Variants in TAFA2 observed in about 807,000 individuals in gnomAD.
TAFA2 encodes the protein TAFA chemokine like family member 2.
TAFA2 carries 7 observed loss-of-function variants against 18.8 expected under a neutral mutation model. That is an observed-to-expected ratio of 0.37 (90% confidence interval 0.21 to 0.70). The LOEUF is 0.70. Ranked by LOEUF, TAFA2 falls within the 30% of genes least tolerant of loss-of-function variation. TAFA2 has a pLI of 0.53. For missense variants in TAFA2, 122 were observed against 158.1 expected (o/e 0.77, Z 1.23); for synonymous variants, 60 against 54.2 (o/e 1.11, Z -0.47).
chr12:61,853,039 T>C (rs912847136), intron 2 of TAFA2, among the ~76,000 whole-genome samples: 1 of 152,168 alleles, frequency 6.6e-6, no homozygotes, highest in South Asian at 2.1e-4. Flanking sequence ...AGAGAGTAGC[T>C]CTCAAGTGTG....
intron 4 of TAFA2, among the ~76,000 whole-genome samples, chr12:61,732,694 G>C (rs1346640437): frequency 6.6e-6 from 1 of 151,716 alleles, no homozygotes; most frequent in Non-Finnish European, 1.5e-5. Flanking sequence ...GGTTTGCAAT[G>C]TTTTGGGGAG....
intron 1 of TAFA2, among the ~76,000 whole-genome samples, chr12:62,232,536 T>C (rs570160546): frequency 6.6e-6 from 1 of 152,246 alleles, no homozygotes; most frequent in East Asian, 1.9e-4. Flanking sequence ...TGTTCTGACA[T>C]GGAGTCTCAC....
intron 2 of TAFA2, among the ~76,000 whole-genome samples, chr12:61,823,118 T>C (rs534517873): frequency 5.3e-5 from 8 of 152,312 alleles, no homozygotes; most frequent in Admixed American, 3.3e-4. Flanking sequence ...AAGAATCTTT[T>C]AGTTTTATTC....
At chr12:61,980,391 C>A (rs1879589343) in intron 1 of TAFA2, among the ~76,000 whole-genome samples, 1 of 152,120 alleles carries the variant, frequency 6.6e-6, no homozygotes, top group Admixed American at 6.5e-5. Flanking sequence ...CCTTTGAAAA[C>A]CAGCACAAGA....
intron 1 of TAFA2, among the ~76,000 whole-genome samples, chr12:62,072,352 C>A (rs112688573): frequency 0.1 from 15,796 of 151,924 alleles, 1,000 homozygotes; most frequent in Non-Finnish European, 0.14. Flanking sequence ...ACCTGTAGTC[C>A]CAGCTACCGA....
intron 1 of TAFA2, among the ~76,000 whole-genome samples, chr12:61,881,774 T>G (rs1437489881): frequency 6.6e-6 from 1 of 152,128 alleles, no homozygotes; most frequent in Non-Finnish European, 1.5e-5. Context: ...TTTTAAATGT[T>G]ATCAATTAAT....
intron 4 of TAFA2, among the ~76,000 whole-genome samples, chr12:61,726,572 G>A (rs1183600075): frequency 3.3e-5 from 5 of 152,000 alleles, no homozygotes; most frequent in African/African-American, 1.2e-4. Flanking sequence ...ACTGATTTGT[G>A]TACATTGATT....
rs533232654 is a variant in TAFA2 at position 61,877,018 on chromosome 12, T to C, written c.-1-9592A>G. Among the ~76,000 whole-genome samples, 9 of 152,310 alleles carry C rather than the reference T, an allele frequency of 5.9e-5. No homozygotes were observed. In the South Asian group the frequency reaches 1.9e-3, roughly 32 times the overall value. On this transcript the variant is annotated intron_variant, in intron 1 of 4. Coordinates refer to ENST00000416284, the MANE Select transcript of TAFA2 (RefSeq NM_178539.5). ...TTACTTCATATACTTTAACGAGCTG[T>C]CTTTGAGGGAAAGGTAGAACATTAC...
chr12:61,739,716 T>C (rs1437329304), intron 4 of TAFA2, among the ~76,000 whole-genome samples: 1 of 152,052 alleles, frequency 6.6e-6, no homozygotes, highest in African/African-American at 2.4e-5. Context: ...TCTCAACAAG[T>C]TGATTTCATT....
intron 1 of TAFA2, among the ~76,000 whole-genome samples, chr12:61,881,517 CA>C: frequency 6.6e-6 from 1 of 152,110 alleles, no homozygotes; most frequent in Admixed American, 6.5e-5. Flanking sequence ...CATCATTGGC[CA>C]AAACATTGTA....
intron 2 of TAFA2, among the ~76,000 whole-genome samples, chr12:61,759,611 C>T (rs1869440908): frequency 6.6e-6 from 1 of 151,878 alleles, no homozygotes; most frequent in African/African-American, 2.4e-5. Context: ...TTTGTTACTG[C>T]GACCAACTCA....
At chr12:62,163,954 C>T (rs1460347922) in intron 1 of TAFA2, among the ~76,000 whole-genome samples, 2 of 152,010 alleles carry the variant, frequency 1.3e-5, no homozygotes, top group African/African-American at 4.8e-5. Context: ...TTTCTTAGGA[C>T]TTTATTAAAA....
At chr12:61,999,419 T>G (rs1880306050) in intron 1 of TAFA2, among the ~76,000 whole-genome samples, 1 of 152,184 alleles carries the variant, frequency 6.6e-6, no homozygotes. Flanking sequence ...ACAGGGAGTT[T>G]TAAAGTCTTG....
At chr12:62,115,035 C>A (rs1280532164) in intron 1 of TAFA2, among the ~76,000 whole-genome samples, 3 of 152,156 alleles carry the variant, frequency 2.0e-5, no homozygotes, top group Non-Finnish European at 2.9e-5. Context: ...AATTCTAAAA[C>A]CAATGCAATA....
At chr12:62,017,785 A>G (rs1049030707) in intron 1 of TAFA2, among the ~76,000 whole-genome samples, 1 of 152,160 alleles carries the variant, frequency 6.6e-6, no homozygotes, top group Admixed American at 6.5e-5. Context: ...GCTGATTTTC[A>G]ATCATCAGTA....
intron 1 of TAFA2, among the ~76,000 whole-genome samples, chr12:61,887,883 T>C (rs893521606): frequency 1.3e-5 from 2 of 152,010 alleles, no homozygotes; most frequent in African/African-American, 4.8e-5. Flanking sequence ...TGAATAATAC[T>C]GCAATAAACA....
intron 1 of TAFA2, among the ~76,000 whole-genome samples, chr12:62,076,273 AT>A (rs1318887376): frequency 6.6e-6 from 1 of 152,156 alleles, no homozygotes; most frequent in African/African-American, 2.4e-5. Context: ...TGAAAAAAAA[AT>A]TTATTTGAAG....
At chr12:61,916,677 T>C (rs930601416) in intron 1 of TAFA2, among the ~76,000 whole-genome samples, 1 of 152,204 alleles carries the variant, frequency 6.6e-6, no homozygotes, top group Non-Finnish European at 1.5e-5. Context: ...CCTTTGGCTT[T>C]TGCTTTCATC....
chr12:61,712,130 C>A (rs1004369152), intron 4 of TAFA2, among the ~76,000 whole-genome samples: 1 of 151,980 alleles, frequency 6.6e-6, no homozygotes, highest in Admixed American at 6.6e-5. Flanking sequence ...AATGGTTTAG[C>A]CTCTGCTGTT....
Sources: gnomAD v4.1 joint callset for allele counts (sites outside exome capture counted in the v4.1 genomes callset) on GRCh38, gnomAD v4.1.1 for gene constraint, MANE v1.5 for transcripts, NCBI Gene and HGNC (gene_info 2026-07-23, HGNC 2026-07-21) for gene names.